BLOC1S3: variants seen among roughly 807,000 people sequenced by gnomAD.
BLOC1S3 encodes biogenesis of lysosome-related organelles complex 1 subunit 3.
In BLOC1S3, 7 loss-of-function variants were observed where a neutral mutation model predicts 9.1. The observed-to-expected ratio is 0.77, with a 90% CI of 0.44 to 1.45. BLOC1S3 has a LOEUF of 1.45. Ranked by LOEUF, BLOC1S3 falls within the 40% of genes most tolerant of loss-of-function variation. BLOC1S3 has a pLI of 0.01. For synonymous variants in BLOC1S3, 145 were observed against 158.4 expected (o/e 0.92, Z 0.64); for missense variants, 307 against 315.2 (o/e 0.97, Z 0.20).
intron 3 of BLOC1S3, among the ~76,000 whole-genome samples, chr19:45,211,419 A>G (rs1969769460): frequency 6.6e-6 from 1 of 151,316 alleles, no homozygotes. Context: ...AGGCAGGAGA[A>G]TAAATTGCTT....
At chr19:45,186,514 G>A (rs374716169), downstream of BLOC1S3, among the ~76,000 whole-genome samples, 2 of 152,066 alleles carry the variant, frequency 1.3e-5, no homozygotes. Flanking sequence ...AAACCAGCCT[G>A]GCCAACACGG....
At chr19:45,216,504 G>A (rs1969836652) in intron 3 of BLOC1S3, among the ~76,000 whole-genome samples, 3 of 152,034 alleles carry the variant, frequency 2.0e-5, no homozygotes, top group Admixed American at 1.3e-4. Context: ...ACTTGAAATC[G>A]AGAGGCAGAG....
rs1008528291 is a variant in BLOC1S3, at chr19:45,179,587, G to A, written c.291G>A (p.Glu97=). The change falls in exon 2 of 2, where the codon GAG becomes GAA. Residue 97 remains glutamate (E), a synonymous_variant. Coordinates refer to ENST00000433642, the MANE Select transcript of BLOC1S3 (RefSeq NM_212550.5). The surrounding 1 kb of genome is among the most constrained non-coding windows in gnomAD (Gnocchi z 4.6). ...CGGCGGAGGAGGCCTGGGGCACGGA[G>A]GAGGCCCCGGCGCCCGCCCCCGCGC... ...RESAEEAWGT[E]EAPAPAPARS... is the part of the protein sequence containing the mutation. 4.0e-6 allele frequency: 6 copies of A among 1,485,720 alleles called. No individual in the cohort carries two copies. Among genetic ancestry groups the A allele is most frequent in the Non-Finnish European group, 5.3e-6 (6 of 1,124,848 alleles). 92.0% of individuals were successfully genotyped at this position (1,485,720 alleles called of 1,614,324 possible). A position where few individuals can be genotyped will look rare whatever the true frequency, so the allele number is the denominator to read the frequency against.
chr19:45,206,460 T>TTTTTTTTTTTTTTTG lies in BLOC1S3; in HGVS notation n.282+3966_282+3967insTGTTTTTTTTTTTTT, dbSNP rs1969727668. Reference sequence around the variant, plus strand: ...TTTTGGATTAATCAAGTTTTTTTTTTTTTTTTTTTTTTTGAGCAAGGATCT... The same window carrying TTTTTTTTTTTTTTTG: ...TTTTGGATTAATCAAGTTTTTTTTTTTTTTTTTTTTTTTTGTTTTTTTTTTTTTGAGCAAGGATCT... On this transcript the variant is annotated intron_variant and non_coding_transcript_variant, in intron 3 of 3. Coordinates refer to the BLOC1S3 transcript ENST00000591569. 3.2e-5 allele frequency among the ~76,000 whole-genome samples: 4 copies of TTTTTTTTTTTTTTTG among 124,590 alleles called. 1 individual carries two copies. The highest frequency in any genetic ancestry group is 9.9e-5 in the African/African-American group (3 of 30,368). 81.7% of individuals were successfully genotyped at this position (124,590 alleles called of 152,430 possible). A position where few individuals can be genotyped will look rare whatever the true frequency, so the allele number is the denominator to read the frequency against.
intron 3 of BLOC1S3, among the ~76,000 whole-genome samples, chr19:45,207,126 C>A (rs1375984295): frequency 6.6e-6 from 1 of 151,136 alleles, no homozygotes; most frequent in Non-Finnish European, 1.5e-5. Context: ...TGTAAGCCAC[C>A]GCGCCCAGCT....
At chr19:45,211,975 G>A (rs1046587892) in intron 3 of BLOC1S3, among the ~76,000 whole-genome samples, 6 of 152,068 alleles carry the variant, frequency 3.9e-5, no homozygotes, top group South Asian at 2.1e-4. Flanking sequence ...TTCCCACCCC[G>A]AGACTTTCCT....
At chr19:45,186,297 T>A (rs1969565236), downstream of BLOC1S3, among the ~76,000 whole-genome samples, 1 of 152,156 alleles carries the variant, frequency 6.6e-6, no homozygotes, top group South Asian at 2.1e-4. Flanking sequence ...GGACTTCTGT[T>A]GTCACTGAGA....
chr19:45,213,411 C>T lies in BLOC1S3; in HGVS notation n.283-3265C>T. On this transcript the variant is annotated intron_variant and non_coding_transcript_variant, in intron 3 of 3. Transcript: ENST00000591569. ...GCAGATCCCCAGCTCTAGACACACA[C>T]CCAACCCAGCCGTGGACCCCACCTG... The T allele has an allele frequency of 1.9e-6, 3 of 1,594,462 alleles. No individual in the cohort carries two copies. The South Asian group carries it at 3.4e-5, about 18-fold the overall frequency.
intron 2 of BLOC1S3, among the ~76,000 whole-genome samples, chr19:45,196,031 C>G (rs3848527): frequency 0.24 from 36,035 of 152,098 alleles, 4,939 homozygotes; most frequent in Non-Finnish European, 0.3. Context: ...AGGGTGTTCC[C>G]TATTGTTTGT....
At chr19:45,213,266 G>A (rs778960279) in intron 3 of BLOC1S3, 70 of 1,613,646 alleles carry the variant, frequency 4.3e-5, no homozygotes, top group Non-Finnish European at 5.3e-5. Flanking sequence ...TCCTCAGAGA[G>A]TTCCAGGTCC....
At chr19:45,204,165 C>A (rs933440825) in intron 3 of BLOC1S3, among the ~76,000 whole-genome samples, 1 of 150,536 alleles carries the variant, frequency 6.6e-6, no homozygotes, top group Non-Finnish European at 1.5e-5. Context: ...GGCTACCACA[C>A]CCGGCTGATT....
intron 2 of BLOC1S3, among the ~76,000 whole-genome samples, chr19:45,196,779 T>TA (rs767853790): frequency 1.3e-5 from 2 of 151,852 alleles, no homozygotes; most frequent in Non-Finnish European, 2.9e-5. Flanking sequence ...CGGGTGCCTG[T>TA]AGTCCCAGCT....
At chr19:45,186,582 G>A (rs1487624733), downstream of BLOC1S3, among the ~76,000 whole-genome samples, 2 of 152,176 alleles carry the variant, frequency 1.3e-5, no homozygotes, top group South Asian at 2.1e-4. Flanking sequence ...GCACGCACCT[G>A]TAATCCCAGC....
intron 3 of BLOC1S3, among the ~76,000 whole-genome samples, chr19:45,210,047 A>G (rs921043492): frequency 3.7e-4 from 50 of 135,512 alleles, no homozygotes; most frequent in Non-Finnish European, 6.1e-4. Flanking sequence ...CTCTGTCTCA[A>G]AAACAAAACA....
At chr19:45,205,204 C>T (rs1204060495) in intron 3 of BLOC1S3, among the ~76,000 whole-genome samples, 2 of 152,006 alleles carry the variant, frequency 1.3e-5, no homozygotes, top group Admixed American at 6.6e-5. Flanking sequence ...CTTGCACTGT[C>T]GCCCAGACTG....
At chr19:45,206,587 C>T (rs1171012492) in intron 3 of BLOC1S3, among the ~76,000 whole-genome samples, 1 of 149,108 alleles carries the variant, frequency 6.7e-6, no homozygotes, top group African/African-American at 2.5e-5. Context: ...TCTCCAGTAG[C>T]TGAGACTATA....
chr19:45,181,241 G>A lies in BLOC1S3; in HGVS notation c.*1336G>A, dbSNP rs1041365424. On this transcript the variant is annotated 3_prime_UTR_variant, in exon 2 of 2. Coordinates refer to ENST00000433642, the MANE Select transcript of BLOC1S3 (RefSeq NM_212550.5). ...TACACCTCCCTGATCCTGGGGTCTG[G>A]GGACTCCCCATGGTTTCCTTCCTTC... 1.8e-5 allele frequency: 3 copies of A among 167,168 alleles called. No individual in the cohort carries two copies. The highest frequency in any genetic ancestry group is 4.4e-5 in the Non-Finnish European group (3 of 68,212). 10.4% of individuals were successfully genotyped at this position (167,168 alleles called of 1,614,324 possible). A position where few individuals can be genotyped will look rare whatever the true frequency, so the allele number is the denominator to read the frequency against.
At chr19:45,209,889 G>A (rs1187587577) in intron 3 of BLOC1S3, among the ~76,000 whole-genome samples, 2 of 150,902 alleles carry the variant, frequency 1.3e-5, no homozygotes, top group Non-Finnish European at 2.9e-5. Context: ...GCGCCACCAC[G>A]CCCGGCTAAT....
At chr19:45,209,159 C>T (rs905660970) in intron 3 of BLOC1S3, among the ~76,000 whole-genome samples, 4 of 152,044 alleles carry the variant, frequency 2.6e-5, no homozygotes, top group Non-Finnish European at 4.4e-5. Flanking sequence ...AACCATTCTC[C>T]TGCCTCAGCC....
Sources: allele counts gnomAD v4.1 joint callset (sites outside exome capture counted in the v4.1 genomes callset), GRCh38; gene constraint gnomAD v4.1.1; non-coding constraint Gnocchi (gnomAD v3.1); transcripts MANE v1.5; gene names NCBI Gene and HGNC (gene_info 2026-07-23, HGNC 2026-07-21).